HS6ST1: variants seen among roughly 807,000 people sequenced by gnomAD.
HS6ST1 encodes heparan-sulfate 6-O-sulfotransferase 1.
Under a neutral mutation model 25.2 loss-of-function variants are expected in HS6ST1, and 3 were observed. The ratio of observed to expected loss-of-function variants is 0.12; its 90% CI spans 0.05 to 0.31. HS6ST1 has a LOEUF of 0.31. Among genes scored for constraint, HS6ST1 ranks in the 10% least tolerant of loss-of-function variants. The probability of loss-of-function intolerance (pLI) is 1.00; values close to 1 mark genes in which losing one functional copy is unlikely to be tolerated. For missense variants in HS6ST1, 310 were observed against 609.6 expected (o/e 0.51, Z 5.18); for synonymous variants, 204 against 275.1 (o/e 0.74, Z 2.56).
intron 1 of HS6ST1, among the ~76,000 whole-genome samples, chr2:128,305,831 C>T (rs1573707731): frequency 6.6e-6 from 1 of 152,220 alleles, no homozygotes; most frequent in Non-Finnish European, 1.5e-5. Flanking sequence ...CCCTCAGGAC[C>T]TGCCCAGGTT....
chr2:128,304,362 T>G (rs1371578484), intron 1 of HS6ST1, among the ~76,000 whole-genome samples: 1 of 152,134 alleles, frequency 6.6e-6, no homozygotes, highest in African/African-American at 2.4e-5. Flanking sequence ...GTGTGGGTGC[T>G]CCCCAGGGAC....
intron 1 of HS6ST1, among the ~76,000 whole-genome samples, chr2:128,307,621 G>A (rs840894): frequency 0.05 from 7,603 of 152,272 alleles, 620 homozygotes; most frequent in African/African-American, 0.17. Flanking sequence ...GGCCAAAGAC[G>A]TGAACAGGTC....
Position 128,268,368 on chromosome 2 carries a change from C to A in HS6ST1, c.1030G>T (p.Asp344Tyr), listed in dbSNP as rs1222017648. The A allele has an allele frequency of 6.2e-7, 1 of 1,613,580 alleles. No individual in the cohort carries two copies. Among genetic ancestry groups the A allele is most frequent in the Non-Finnish European group, 8.5e-7 (1 of 1,179,884 alleles). Residue 344 changes from aspartate (D) to tyrosine (Y), a missense_variant, in exon 2 of 2, where the codon GAC becomes TAC. This residue lies in a region of HS6ST1 where 140 missense variants were observed against 176.5 expected (regional missense o/e 0.79). Transcript: ENST00000259241. ...TTGGCGTAGTCGTACAGCTGCATGTCCAGGTCGTTGAGCTCCTCGATGCGC... is the reference window on the plus strand; with the variant it reads ...TTGGCGTAGTCGTACAGCTGCATGTACAGGTCGTTGAGCTCCTCGATGCGC... ...IRRIEELNDL[D>Y]MQLYDYAKDL...
At chr2:128,276,090 T>C (rs1693690480) in intron 1 of HS6ST1, among the ~76,000 whole-genome samples, 1 of 152,100 alleles carries the variant, frequency 6.6e-6, no homozygotes, top group African/African-American at 2.4e-5. Context: ...AACAAACAAA[T>C]CCCCAGAAAA....
intron 1 of HS6ST1, among the ~76,000 whole-genome samples, chr2:128,287,091 G>A (rs1450502897): frequency 6.6e-6 from 1 of 152,216 alleles, no homozygotes; most frequent in Non-Finnish European, 1.5e-5. Flanking sequence ...GGAACCCTCT[G>A]GGGCAGGGGG....
chr2:128,281,893 G>A (rs190983659), intron 1 of HS6ST1, among the ~76,000 whole-genome samples: 5 of 152,382 alleles, frequency 3.3e-5, no homozygotes, highest in African/African-American at 1.2e-4. Context: ...TTCTGCAGAT[G>A]AGGAAACTGA....
chr2:128,304,733 C>T (rs765218194), intron 1 of HS6ST1, among the ~76,000 whole-genome samples: 1 of 152,244 alleles, frequency 6.6e-6, no homozygotes, highest in Admixed American at 6.5e-5. Flanking sequence ...GACACTGTGT[C>T]CCATCAGAGT....
intron 1 of HS6ST1, among the ~76,000 whole-genome samples, chr2:128,302,241 G>A (rs750871340): frequency 2.6e-5 from 4 of 152,186 alleles, no homozygotes; most frequent in South Asian, 2.1e-4. Flanking sequence ...CTCACTGGCC[G>A]CCTGCTAAAC....
chr2:128,316,635 GTGT>G (rs1694367219), intron 1 of HS6ST1, among the ~76,000 whole-genome samples: 2 of 152,180 alleles, frequency 1.3e-5, no homozygotes, highest in Non-Finnish European at 2.9e-5. Context: ...TGACCGCCAA[GTGT>G]AGAATGTGGC....
intron 1 of HS6ST1, among the ~76,000 whole-genome samples, chr2:128,308,132 G>A (rs989589666): frequency 6.6e-6 from 1 of 152,194 alleles, no homozygotes; most frequent in Non-Finnish European, 1.5e-5. Flanking sequence ...CATCTACAGC[G>A]AAAGCATAAA....
chr2:128,294,789 C>T (rs1409365419), intron 1 of HS6ST1, among the ~76,000 whole-genome samples: 1 of 151,960 alleles, frequency 6.6e-6, no homozygotes, highest in Non-Finnish European at 1.5e-5. Flanking sequence ...CTGTGGCCCA[C>T]AAGGTACAGG....
chr2:128,311,001 C>T (rs1481410999), intron 1 of HS6ST1, among the ~76,000 whole-genome samples: 1 of 76,746 alleles, frequency 1.3e-5, no homozygotes, highest in East Asian at 5.3e-4. Flanking sequence ...TGCTTCCACT[C>T]CACACCCCGC....
At chr2:128,306,496 A>C (rs984708829) in intron 1 of HS6ST1, among the ~76,000 whole-genome samples, 1 of 152,184 alleles carries the variant, frequency 6.6e-6, no homozygotes, top group Admixed American at 6.5e-5. Context: ...AGAGAGGTAA[A>C]TATTTACACA....
chr2:128,308,408 C>A (rs1170731003), intron 1 of HS6ST1, among the ~76,000 whole-genome samples: 1 of 152,162 alleles, frequency 6.6e-6, no homozygotes, highest in Non-Finnish European at 1.5e-5. Flanking sequence ...CTCAGCCAGG[C>A]GAGCCTCTGT....
At position 128,268,415 on chromosome 2, in the gene HS6ST1, T is replaced by A; in HGVS notation, c.983A>T (p.Glu328Val). ...GCGCCGGATGGTGTCTTCATCCACC[T>A]CCACGCCGCCCGCCCGCGTGCTATT... ...QYNSTRAGGV[E>V]VDEDTIRRIE... The change falls in exon 2 of 2, where the codon GAG becomes GTG. Residue 328 changes from glutamate (E) to valine (V), a missense_variant. This residue lies in a region of HS6ST1 where 140 missense variants were observed against 176.5 expected (regional missense o/e 0.79). Coordinates refer to ENST00000259241, the MANE Select transcript of HS6ST1 (RefSeq NM_004807.3). 1 of 1,613,642 alleles carries A rather than the reference T, an allele frequency of 6.2e-7. No individual in the cohort carries two copies. The highest frequency in any genetic ancestry group is 1.7e-5 in the Admixed American group (1 of 60,018).
At chr2:128,277,989 C>T (rs563678089) in intron 1 of HS6ST1, among the ~76,000 whole-genome samples, 6 of 152,376 alleles carry the variant, frequency 3.9e-5, no homozygotes, top group Admixed American at 3.9e-4. Flanking sequence ...CTAGGCACTG[C>T]TGTCAGGGCG....
chr2:128,317,880 G>C (rs955728745), intron 1 of HS6ST1, among the ~76,000 whole-genome samples, 157 bp downstream of exon 1: 1 of 152,208 alleles, frequency 6.6e-6, no homozygotes, highest in African/African-American at 2.4e-5. Context: ...TGGGAGCCTC[G>C]GGCGCTCGGC....
intron 1 of HS6ST1, among the ~76,000 whole-genome samples, chr2:128,307,223 C>T (rs533098831): frequency 4.7e-4 from 71 of 152,256 alleles, no homozygotes; most frequent in Middle Eastern, 6.8e-3. Context: ...CAGGTGCCAC[C>T]GTGGGCACTG....
At chr2:128,307,368 G>C (rs1309580026) in intron 1 of HS6ST1, among the ~76,000 whole-genome samples, 1 of 152,218 alleles carries the variant, frequency 6.6e-6, no homozygotes, top group African/African-American at 2.4e-5. Context: ...ATGGGGTTCA[G>C]AGGTCAGCAG....
Sources: allele counts gnomAD v4.1 joint callset (sites outside exome capture counted in the v4.1 genomes callset), GRCh38; gene constraint gnomAD v4.1.1; regional missense constraint gnomAD v4.1.1; transcripts MANE v1.5; gene names NCBI Gene and HGNC (gene_info 2026-07-23, HGNC 2026-07-21).